HMGN1: variants seen among roughly 807,000 people sequenced by gnomAD.
The protein encoded by HMGN1 is non-histone chromosomal protein HMG-14.
A neutral mutation model predicts 18.4 loss-of-function variants in HMGN1; 9 were observed. The ratio of observed to expected loss-of-function variants is 0.49; its 90% CI spans 0.29 to 0.85. The LOEUF (loss-of-function observed/expected upper bound fraction) is 0.85. Ranked by LOEUF, HMGN1 falls within the 40% of genes least tolerant of loss-of-function variation. HMGN1 has a pLI of 0.07. For synonymous variants in HMGN1, 59 were observed against 45.0 expected, an observed-to-expected ratio of 1.31 and a Z score of -1.24; for missense variants, 151 against 119.2, an observed-to-expected ratio of 1.27 and a Z score of -1.24.
In HMGN1 at chr21:39,349,034, C is replaced by T. The variant is rs1339120120; in HGVS notation, c.-117G>A. ...ACTGGGCTGCCTTGCCGCTGCCACT[C>T]CTCCCGCCGCCCGAGCTGCTGAGAC... On this transcript the variant is annotated 5_prime_UTR_variant, in exon 1 of 6. Coordinates refer to ENST00000380749, the MANE Select transcript of HMGN1 (RefSeq NM_004965.7). The T allele has an allele frequency of 1.8e-6, 2 of 1,110,648 alleles. No individual in the cohort carries two copies. The highest frequency in any genetic ancestry group is 1.1e-6 in the Non-Finnish European group (1 of 890,104). The allele number at this position is 1,110,648 out of a possible 1,614,324, so 68.8% of individuals were successfully genotyped here.
At position 39,348,585 on chromosome 21, in the gene HMGN1, G is replaced by T. The variant is rs754998681; in HGVS notation, c.16-8C>A. 5 of 1,597,832 alleles carry T rather than the reference G, an allele frequency of 3.1e-6. No individual in the cohort carries two copies. The highest frequency in any genetic ancestry group is 3.4e-6 in the Non-Finnish European group (4 of 1,173,248). Reference sequence around the variant, plus strand: ...GCCTTCGGCGGAGCTGACCTGCGGAGACGGAGACGCACGAATAGAGGCGGG... The same window carrying T: ...GCCTTCGGCGGAGCTGACCTGCGGATACGGAGACGCACGAATAGAGGCGGG... On this transcript the variant is annotated splice_region_variant and splice_polypyrimidine_tract_variant and intron_variant, in intron 1 of 5. Coordinates refer to ENST00000380749, the MANE Select transcript of HMGN1 (RefSeq NM_004965.7).
chr21:39,343,137 C>T lies in HMGN1; in HGVS notation c.278G>A (p.Gly93Glu), dbSNP rs1374414294. The T allele has an allele frequency of 1.9e-6, 3 of 1,597,374 alleles. No individual in the cohort carries two copies. The highest frequency in any genetic ancestry group is 2.6e-6 in the Non-Finnish European group (3 of 1,170,086). Reference protein sequence around the residue: ...TEESPASDEAGEKEAKSD With the variant: ...TEESPASDEAEEKEAKSD ...TTAATCAGACTTGGCTTCTTTCTCT[C>T]CTGCTTCATCAGAGGCTGGACTCTG... Residue 93 changes from glycine to glutamate, a missense_variant, in exon 6 of 6, where the codon GGA (glycine) becomes GAA (glutamate). By Grantham distance (98) the Gly-to-Glu change is moderately conservative (BLOSUM62 -2). Transcript: ENST00000380749.
chr21:39,346,109 C>T, intron 4 of HMGN1: 3 of 425,406 alleles, frequency 7.1e-6, no homozygotes, highest in South Asian at 3.9e-5. Flanking sequence ...AGTAAGTATA[C>T]AGCAGCAGCT....
At chr21:39,346,618 T>G (rs527509981) in intron 4 of HMGN1, 2 of 152,480 alleles carry the variant, frequency 1.3e-5, no homozygotes, top group Non-Finnish European at 2.9e-5. Context: ...ACCTTCAAAA[T>G]ATTTAGTTCT....
intron 4 of HMGN1, 197 bp from the exon 5 acceptor site, chr21:39,345,471 G>A: frequency 8.2e-6 from 5 of 607,282 alleles, no homozygotes; most frequent in Non-Finnish European, 1.4e-5. Flanking sequence ...ATTTTGTATA[G>A]ACTGTATCCA....
At chr21:39,346,430 T>C (rs2037056459) in intron 4 of HMGN1, 1 of 154,728 alleles carries the variant, frequency 6.5e-6, no homozygotes, top group African/African-American at 2.4e-5. Context: ...TGTAGTCTGT[T>C]TCTAAAGATT....
intron 5 of HMGN1, chr21:39,344,500 C>T (rs2036975311): frequency 6.6e-6 from 1 of 152,050 alleles, no homozygotes; most frequent in African/African-American, 2.4e-5. Flanking sequence ...TTAACTGAAT[C>T]TTGCAGTTCA....
intron 5 of HMGN1, 142 bp downstream of exon 5, chr21:39,345,004 A>G (rs2146854190): frequency 3.0e-6 from 3 of 986,254 alleles, no homozygotes; most frequent in East Asian, 5.6e-5. Context: ...CATTTGTCCA[A>G]TCACTTTGGG....
chr21:39,344,830 CAAGT>C (rs1317882010), intron 5 of HMGN1, among the ~76,000 whole-genome samples: 9 of 151,970 alleles, frequency 5.9e-5, no homozygotes, highest in Admixed American at 2.0e-4. Flanking sequence ...AGGAAAAATG[CAAGT>C]AAGGGGAATA....
chr21:39,345,499 A>G (rs1344411066), intron 4 of HMGN1: 1 of 574,334 alleles, frequency 1.7e-6, no homozygotes, highest in Non-Finnish European at 3.1e-6. Context: ...TGTCATATTA[A>G]TGTCTATCAC....
At chr21:39,347,486 T>A (rs1356764016) in intron 4 of HMGN1, 1 of 1,269,504 alleles carries the variant, frequency 7.9e-7, no homozygotes, top group African/African-American at 1.5e-5. Flanking sequence ...TACCTACACT[T>A]TTAGGAAAGA....
chr21:39,347,545 C>G (rs916314860), intron 4 of HMGN1: 5 of 555,768 alleles, frequency 9.0e-6, no homozygotes, highest in Non-Finnish European at 1.6e-5. Context: ...ATAGCAAACT[C>G]TCACCTAAGT....
At chr21:39,345,870 C>T in intron 4 of HMGN1, 23 of 1,303,280 alleles carry the variant, frequency 1.8e-5, no homozygotes, top group Non-Finnish European at 2.2e-5. Flanking sequence ...GTTGACTATC[C>T]TGCTACAGTT....
In HMGN1 at chr21:39,348,279, T is replaced by C. The variant is rs1375340193; in HGVS notation, c.126+13A>G. The C allele has an allele frequency of 6.2e-6, 10 of 1,613,970 alleles. No homozygotes were observed. The African/African-American group carries it at 1.2e-4, about 19-fold the overall frequency. On this transcript the variant is annotated intron_variant, in intron 4 of 5. Transcript: ENST00000380749. ...AGGCCCCGCTGCATCCCAATGCGCG[T>C]TTCGAGGCTTACCTTCGCTGCTGCC...
chr21:39,346,047 T>C (rs1489937607), intron 4 of HMGN1: 6 of 730,056 alleles, frequency 8.2e-6, no homozygotes, highest in South Asian at 1.5e-5. Flanking sequence ...AAAAATACTT[T>C]TAGATACCAT....
At chr21:39,348,648 G>C in intron 1 of HMGN1, 71 bp from the exon 2 acceptor site, 1 of 1,493,658 alleles carries the variant, frequency 6.7e-7, no homozygotes, top group Non-Finnish European at 8.9e-7. Flanking sequence ...CCGGCCCCGA[G>C]AACAATGCCC....
intron 4 of HMGN1, chr21:39,347,482 C>T: frequency 2.3e-6 from 3 of 1,277,538 alleles, no homozygotes; most frequent in South Asian, 1.2e-5. Flanking sequence ...CTTCTACCTA[C>T]ACTTTTAGGA....
chr21:39,342,849 C>G lies in HMGN1; in HGVS notation c.*263G>C. On this transcript the variant is annotated 3_prime_UTR_variant, in exon 6 of 6. Transcript: ENST00000380749. ...CATCTGTGGAATGTTAAGCTGACAC[C>G]CGAGACAGTCAGAGCCTCCCATAAT... 2.1e-6 allele frequency: 3 copies of G among 1,453,068 alleles called. No homozygotes were observed. The highest frequency in any genetic ancestry group is 2.7e-6 in the Non-Finnish European group (3 of 1,094,814). 90.0% of individuals were successfully genotyped at this position (1,453,068 alleles called of 1,614,324 possible). A position where few individuals can be genotyped will look rare whatever the true frequency, so the allele number is the denominator to read the frequency against.
chr21:39,345,235 T>C lies in HMGN1; in HGVS notation c.166A>G (p.Arg56Gly). The C allele has an allele frequency of 6.2e-7, 1 of 1,613,590 alleles. No homozygotes were observed. The highest frequency in any genetic ancestry group is 8.5e-7 in the Non-Finnish European group (1 of 1,179,722). ...SDKKVQTKGK[R>G]GAKGKQAEVA... ...TCGGCCTGTTTTCCCTTTGCTCCCC[T>C]TTTCCCTTTTGTTTGCACTTTTTTG... Residue 56 changes from arginine (R) to glycine (G), a missense_variant, in exon 5 of 6, where the codon AGG (arginine) becomes GGG (glycine). By Grantham distance (125) the Arg-to-Gly change is moderately radical. Coordinates refer to ENST00000380749, the MANE Select transcript of HMGN1 (RefSeq NM_004965.7).
Sources: gnomAD v4.1 joint callset for allele counts (sites outside exome capture counted in the v4.1 genomes callset) on GRCh38, gnomAD v4.1.1 for gene constraint, MANE v1.5 for transcripts, NCBI Gene and HGNC (gene_info 2026-07-23, HGNC 2026-07-21) for gene names.